The following IKZF1 variants were observed in gnomAD, a reference collection of about 807,000 sequenced individuals.
IKZF1 encodes the protein DNA-binding protein Ikaros.
Under a neutral mutation model 51.7 loss-of-function variants are expected in IKZF1, and 10 were observed. The observed-to-expected ratio is 0.19, with a 90% CI of 0.12 to 0.33. The LOEUF (loss-of-function observed/expected upper bound fraction) is 0.33. Ranked by LOEUF, IKZF1 falls within the 10% of genes least tolerant of loss-of-function variation. IKZF1 has a pLI of 1.00. For synonymous variants in IKZF1, 280 were observed against 282.3 expected, an observed-to-expected ratio of 0.99 and a Z score of 0.08; for missense variants, 484 against 707.5, an observed-to-expected ratio of 0.68 and a Z score of 3.58.
chr7:50,315,623 A>G (rs573343860), intron 1 of IKZF1, among the ~76,000 whole-genome samples: 77 of 152,320 alleles, frequency 5.1e-4, no homozygotes, highest in African/African-American at 1.9e-3. Context: ...CTTGCCTGAA[A>G]TTGTTTGGGT....
intron 2 of IKZF1, among the ~76,000 whole-genome samples, chr7:50,324,363 C>T (rs1794274930): frequency 6.6e-6 from 1 of 152,166 alleles, no homozygotes; most frequent in African/African-American, 2.4e-5. Flanking sequence ...GCAAGGCGAG[C>T]TTGAATTAAC....
At chr7:50,314,760 A>G (rs914882927) in intron 1 of IKZF1, among the ~76,000 whole-genome samples, 2 of 152,234 alleles carry the variant, frequency 1.3e-5, no homozygotes, top group African/African-American at 4.8e-5. Context: ...GAGCCCCAGC[A>G]GGTTCGGTGG....
At chr7:50,359,566 G>A (rs1356193624) in intron 3 of IKZF1, among the ~76,000 whole-genome samples, 3 of 152,326 alleles carry the variant, frequency 2.0e-5, no homozygotes, top group African/African-American at 4.8e-5. Flanking sequence ...CTCTACCTGT[G>A]AGTCGATTTT....
At position 50,400,064 on chromosome 7, in the gene IKZF1, A is replaced by G. The variant is rs376657964; in HGVS notation, c.997A>G (p.Thr333Ala). ...GAESLRPLVQ[T>A]PPGGSEVVPV... ...CGAGTCCCTGCGCCCGCTGGTGCAG[A>G]CGCCCCCGGGCGGTTCCGAGGTGGT... Residue 333 changes from threonine (T) to alanine (A), a missense_variant, in exon 8 of 8, where the codon ACG (threonine) becomes GCG (alanine). Thr to Ala is a moderately conservative substitution (Grantham distance 58, BLOSUM62 0). Coordinates refer to ENST00000331340, the MANE Select transcript of IKZF1 (RefSeq NM_006060.6). This position sits in a 1 kb window ranked among gnomAD's most constrained non-coding sequence, Gnocchi z 5.4. 152 of 1,598,696 alleles carry G rather than the reference A, an allele frequency of 9.5e-5. No homozygotes were observed. Among genetic ancestry groups the G allele is most frequent in the Non-Finnish European group, 1.3e-4 (147 of 1,173,776 alleles).
chr7:50,358,006 G>T (rs937608498), intron 3 of IKZF1, among the ~76,000 whole-genome samples: 1 of 152,200 alleles, frequency 6.6e-6, no homozygotes, highest in Non-Finnish European at 1.5e-5. Flanking sequence ...GAAGGACATA[G>T]CATAGCACCT....
intron 6 of IKZF1, among the ~76,000 whole-genome samples, chr7:50,389,423 A>G (rs1019977807): frequency 6.6e-6 from 1 of 152,078 alleles, no homozygotes; most frequent in African/African-American, 2.4e-5. Context: ...TTCACCCTAA[A>G]ATGTTCATTT....
chr7:50,316,449 G>A (rs1385880760), intron 1 of IKZF1, among the ~76,000 whole-genome samples: 8 of 152,344 alleles, frequency 5.3e-5, no homozygotes, highest in African/African-American at 1.9e-4. Context: ...GAGTGGAAAT[G>A]TCCAGCAGGC....
In IKZF1 at chr7:50,352,215, T is replaced by C. The variant is rs1029355175; in HGVS notation, c.161-24318T>C. Among the ~76,000 whole-genome samples the C allele has an allele frequency of 9.2e-5, 14 of 152,222 alleles. No homozygotes were observed. The East Asian group carries it at 9.6e-4, about 10-fold the overall frequency. Reference sequence around the variant, plus strand: ...CTGAACCTCACTTCTGAAAAGTCATTGTGCATAGAGAGCTAATAGCTGTAC... The same window carrying C: ...CTGAACCTCACTTCTGAAAAGTCATCGTGCATAGAGAGCTAATAGCTGTAC... On this transcript the variant is annotated intron_variant, in intron 3 of 7. Transcript: ENST00000331340.
At chr7:50,345,365 G>C (rs1800091692) in intron 3 of IKZF1, among the ~76,000 whole-genome samples, 1 of 152,300 alleles carries the variant, frequency 6.6e-6, no homozygotes, top group Middle Eastern at 3.4e-3. Flanking sequence ...TATTGGACTA[G>C]AGATCATGGC....
rs778635326 is a variant in IKZF1, at chr7:50,400,647, C to T, written c.*20C>T. On this transcript the variant is annotated 3_prime_UTR_variant, in exon 8 of 8. Transcript: ENST00000331340. This position sits in a 1 kb window ranked among gnomAD's most constrained non-coding sequence, Gnocchi z 5.4. The stretch of plus-strand genomic sequence containing the variant: ...AGCTAAAGCCCTCCCGCGCCCCCAC[C>T]CCAGACCCCGAGCCACCCCAGGAAA... 1.3e-6 allele frequency: 2 copies of T among 1,590,038 alleles called. No homozygotes were observed. Among genetic ancestry groups the T allele is most frequent in the South Asian group, 2.2e-5 (2 of 89,480 alleles).
At chr7:50,349,457 G>T (rs1227421935) in intron 3 of IKZF1, among the ~76,000 whole-genome samples, 1 of 152,198 alleles carries the variant, frequency 6.6e-6, no homozygotes, top group Non-Finnish European at 1.5e-5. Context: ...ATAAGAATGG[G>T]TAGGATTTTA....
chr7:50,338,066 A>G (rs1798197670), intron 3 of IKZF1, among the ~76,000 whole-genome samples: 1 of 152,204 alleles, frequency 6.6e-6, no homozygotes, highest in Non-Finnish European at 1.5e-5. Context: ...GTAATGTTCC[A>G]GAATCTGACA....
At position 50,376,187 on chromosome 7, in the gene IKZF1, C is replaced by T. The variant is rs1810231798; in HGVS notation, c.161-346C>T. Among the ~76,000 whole-genome samples, 2 of 152,178 alleles carry T rather than the reference C, an allele frequency of 1.3e-5. No individual in the cohort carries two copies. Among genetic ancestry groups the T allele is most frequent in the Non-Finnish European group, 2.9e-5 (2 of 68,020 alleles). On this transcript the variant is annotated intron_variant, in intron 3 of 7. Coordinates refer to ENST00000331340, the MANE Select transcript of IKZF1 (RefSeq NM_006060.6). The surrounding 1 kb of genome is among the most constrained non-coding windows in gnomAD (Gnocchi z 4.5). ...TGATGGGTAGGGTGTAGGAGTAGGCCTCAGACCACTCCTGACGTGAACCTG... is the reference window on the plus strand; with the variant it reads ...TGATGGGTAGGGTGTAGGAGTAGGCTTCAGACCACTCCTGACGTGAACCTG...
intron 1 of IKZF1, among the ~76,000 whole-genome samples, chr7:50,316,591 G>A (rs1183309974): frequency 6.6e-6 from 1 of 152,228 alleles, no homozygotes; most frequent in Non-Finnish European, 1.5e-5. Flanking sequence ...CTGGTGCGGG[G>A]ACTGTTTGCA....
intron 1 of IKZF1, among the ~76,000 whole-genome samples, chr7:50,318,080 C>G (rs1792042328): frequency 2.6e-5 from 4 of 152,200 alleles, no homozygotes; most frequent in Admixed American, 2.6e-4. Context: ...CTGGCCATAG[C>G]TTTCTTATCT....
intron 3 of IKZF1, among the ~76,000 whole-genome samples, chr7:50,348,034 G>T (rs1484788810): frequency 6.6e-6 from 1 of 152,112 alleles, no homozygotes; most frequent in Non-Finnish European, 1.5e-5. Flanking sequence ...AGGGGACCAA[G>T]GGACATTTTA....
At chr7:50,359,089 G>A (rs1804428111) in intron 3 of IKZF1, among the ~76,000 whole-genome samples, 1 of 151,960 alleles carries the variant, frequency 6.6e-6, no homozygotes, top group Non-Finnish European at 1.5e-5. Flanking sequence ...GTAAAACCCT[G>A]TCTCTACAAA....
intron 3 of IKZF1, among the ~76,000 whole-genome samples, chr7:50,360,809 T>G (rs546363918): frequency 1.3e-5 from 2 of 152,346 alleles, no homozygotes; most frequent in Non-Finnish European, 2.9e-5. Context: ...ACACAGCCAG[T>G]CATCACCATG....
chr7:50,375,219 G>A (rs55826129), intron 3 of IKZF1, among the ~76,000 whole-genome samples: 15,502 of 152,124 alleles, frequency 0.1, 878 homozygotes, highest in Middle Eastern at 0.14. Flanking sequence ...TCAGGAGTTC[G>A]AGAGCAGCCT....
Sources: gnomAD v4.1 joint callset for allele counts (sites outside exome capture counted in the v4.1 genomes callset) on GRCh38, gnomAD v4.1.1 for gene constraint, Gnocchi (gnomAD v3.1) non-coding constraint, MANE v1.5 for transcripts, NCBI Gene and HGNC (gene_info 2026-07-23, HGNC 2026-07-21) for gene names.